TBL1X: variants seen among roughly 807,000 people sequenced by gnomAD.
The protein encoded by TBL1X is transducin beta like 1 X-linked, also known as F-box-like/WD repeat-containing protein TBL1X.
A neutral mutation model predicts 50.7 loss-of-function variants in TBL1X; 10 were observed. The observed-to-expected ratio is 0.20, with a 90% CI of 0.12 to 0.33. The LOEUF is 0.33. Among genes scored for constraint, TBL1X ranks in the 10% least tolerant of loss-of-function variants. The pLI is 1.00. For synonymous variants in TBL1X, 190 were observed against 214.7 expected, an observed-to-expected ratio of 0.88 and a Z score of 1.01; for missense variants, 340 against 504.4, an observed-to-expected ratio of 0.67 and a Z score of 3.12.
At chrX:9,571,363 A>G (rs930303596) in intron 2 of TBL1X, among the ~76,000 whole-genome samples, 1 of 112,299 alleles carries the variant, frequency 8.9e-6, no homozygotes, top group African/African-American at 3.2e-5. Context: ...AATCATCTGC[A>G]TAATTTGAGC....
Position 9,633,379 on chromosome X carries a change from C to G in TBL1X, c.-130-6894C>G, listed in dbSNP as rs149669585. Among the ~76,000 whole-genome samples the G allele has an allele frequency of 9.1e-3, 1,016 of 111,446 alleles. 7 individuals are homozygous for G. The highest frequency in any genetic ancestry group is 0.031 in the African/African-American group (934 of 30,622). Reference sequence around the variant, plus strand: ...AAAAAATAATCCACCTAGATCAAGACTATTCCAAAAGTGAATTTAAAAAGA... The same window carrying G: ...AAAAAATAATCCACCTAGATCAAGAGTATTCCAAAAGTGAATTTAAAAAGA... On this transcript the variant is annotated intron_variant, in intron 2 of 17. Transcript: ENST00000645353.
At chrX:9,480,919 G>C (rs2081879003) in intron 1 of TBL1X, among the ~76,000 whole-genome samples, 1 of 111,089 alleles carries the variant, frequency 9.0e-6, no homozygotes, top group Non-Finnish European at 1.9e-5. Context: ...GTATTTGTAT[G>C]AATGTGTTGT....
chrX:9,491,338 A>ATATATATATATAT (rs1328551249), intron 1 of TBL1X, among the ~76,000 whole-genome samples: 1 of 31,314 alleles, frequency 3.2e-5, no homozygotes, highest in Admixed American at 6.0e-4. Context: ...ATATATATAT[A>ATATATATATATAT]TTTTTTTTTT....
intron 2 of TBL1X, among the ~76,000 whole-genome samples, chrX:9,522,665 C>A (rs1011801242): frequency 8.9e-5 from 10 of 111,837 alleles, no homozygotes; most frequent in Non-Finnish European, 1.9e-4. Flanking sequence ...TTTCTTCTTG[C>A]TTGGATGCTC....
chrX:9,611,202 T>G (rs957153738), intron 2 of TBL1X, among the ~76,000 whole-genome samples: 4 of 112,239 alleles, frequency 3.6e-5, no homozygotes, highest in Non-Finnish European at 7.5e-5. Context: ...CAGTCTGAAC[T>G]CAGTGTCACC....
intron 2 of TBL1X, among the ~76,000 whole-genome samples, chrX:9,601,710 C>T (rs1440618290): frequency 1.8e-5 from 2 of 111,693 alleles, no homozygotes; most frequent in African/African-American, 6.5e-5. Context: ...GGAATTGCAG[C>T]GTAGCCTGGA....
At chrX:9,469,771 TCA>T in intron 1 of TBL1X, among the ~76,000 whole-genome samples, 1 of 111,651 alleles carries the variant, frequency 9.0e-6, no homozygotes, top group East Asian at 2.8e-4. Flanking sequence ...TCCTCCACAG[TCA>T]CCCCCCCCAG....
chrX:9,600,800 C>G (rs761952047), intron 2 of TBL1X, among the ~76,000 whole-genome samples: 6 of 112,091 alleles, frequency 5.4e-5, no homozygotes, highest in East Asian at 2.8e-4. Context: ...ACAGCATGCT[C>G]AATTCAGTCA....
intron 7 of TBL1X, among the ~76,000 whole-genome samples, chrX:9,688,884 G>A (rs185945571): frequency 0.012 from 1,410 of 113,634 alleles, 10 homozygotes; most frequent in African/African-American, 0.042. Context: ...CGTGCATGGC[G>A]CACCGTGTGC....
At chrX:9,634,932 A>T (rs1323407525) in intron 2 of TBL1X, among the ~76,000 whole-genome samples, 5 of 111,245 alleles carry the variant, frequency 4.5e-5, no homozygotes, top group Non-Finnish European at 7.5e-5. Context: ...TATGTTTCCG[A>T]CCTGCCTGTG....
chrX:9,570,246 T>TTG (rs1237071660), intron 2 of TBL1X, among the ~76,000 whole-genome samples: 2 of 112,270 alleles, frequency 1.8e-5, no homozygotes, highest in East Asian at 5.6e-4. Flanking sequence ...CAAACAGCAT[T>TTG]TGTGTGTAGC....
At chrX:9,483,551 C>T (rs886193) in intron 1 of TBL1X, among the ~76,000 whole-genome samples, 8,968 of 110,938 alleles carry the variant, frequency 0.081, 784 homozygotes, top group East Asian at 0.65. Context: ...TTACCTAACT[C>T]CCCCCAACAA....
chrX:9,542,624 C>T (rs999165493), intron 2 of TBL1X, among the ~76,000 whole-genome samples: 2 of 110,399 alleles, frequency 1.8e-5, no homozygotes, highest in African/African-American at 3.4e-5. Context: ...GCGTTGCCTT[C>T]GCAGCATGGT....
intron 5 of TBL1X, among the ~76,000 whole-genome samples, chrX:9,663,760 CAAAAAAAAAAA>C (rs57927750): frequency 2.5e-5 from 1 of 39,304 alleles, no homozygotes; most frequent in African/African-American, 7.4e-5. Flanking sequence ...GATTCTGTCT[CAAAAAAAAAAA>C]AAAAAAAAAG....
intron 2 of TBL1X, among the ~76,000 whole-genome samples, chrX:9,551,802 G>A (rs924220718): frequency 4.6e-4 from 51 of 111,839 alleles, no homozygotes; most frequent in Non-Finnish European, 4.7e-4. Flanking sequence ...GCACACGCAC[G>A]CTGGCCACTC....
At chrX:9,526,762 T>A (rs2082134569) in intron 2 of TBL1X, among the ~76,000 whole-genome samples, 1 of 112,408 alleles carries the variant, frequency 8.9e-6, no homozygotes, top group Admixed American at 9.4e-5. Flanking sequence ...CTTTTGAATT[T>A]CATAGAATAT....
At chrX:9,551,840 C>T (rs1012713186) in intron 2 of TBL1X, among the ~76,000 whole-genome samples, 7 of 111,851 alleles carry the variant, frequency 6.3e-5, no homozygotes, top group Non-Finnish European at 1.3e-4. Flanking sequence ...TCCAGAGCAT[C>T]GAGCATAGTT....
chrX:9,609,015 T>C (rs760003213), intron 2 of TBL1X, among the ~76,000 whole-genome samples: 1 of 111,873 alleles, frequency 8.9e-6, no homozygotes, highest in African/African-American at 3.3e-5. Flanking sequence ...AAAAGGTGAC[T>C]GGGCGGGGGT....
At position 9,717,596 on chromosome X, in the gene TBL1X, A is replaced by G. The variant is rs2083286792; in HGVS notation, c.*1350A>G. The G allele has an allele frequency of 8.8e-6, 1 of 113,193 alleles. No homozygotes were observed. Among genetic ancestry groups the G allele is most frequent in the East Asian group, 2.8e-4 (1 of 3,587 alleles). The allele number at this position is 113,193 out of a possible 1,213,427, so 9.3% of individuals were successfully genotyped here. The stretch of plus-strand genomic sequence containing the variant: ...GCGCGCCCTCTGGCCTCAAGGGAGC[A>G]TTGGCAGAACCATAAGGTACTGCAG... On this transcript the variant is annotated 3_prime_UTR_variant, in exon 18 of 18. Coordinates refer to ENST00000645353, the MANE Select transcript of TBL1X (RefSeq NM_005647.4).
Sources: allele counts gnomAD v4.1 joint callset (sites outside exome capture counted in the v4.1 genomes callset), GRCh38; gene constraint gnomAD v4.1.1; transcripts MANE v1.5; gene names NCBI Gene and HGNC (gene_info 2026-07-23, HGNC 2026-07-21).